Variants in NCOA2 observed in about 807,000 individuals in gnomAD.
NCOA2 encodes the protein class E basic helix-loop-helix protein 75.
In NCOA2, 21 loss-of-function variants were observed where a neutral mutation model predicts 145.1. That is an observed-to-expected ratio of 0.14 (90% CI 0.10 to 0.21). The LOEUF is 0.21. NCOA2 is among the 10% of genes least tolerant of loss of function. The pLI is 1.00. For missense variants in NCOA2, 1,472 were observed against 1,837.6 expected (o/e 0.80, Z 3.64); for synonymous variants, 619 against 637.5 (o/e 0.97, Z 0.44).
chr8:70,351,740 C>T (rs1289154961), intron 1 of NCOA2, among the ~76,000 whole-genome samples: 1 of 150,346 alleles, frequency 6.7e-6, no homozygotes, highest in Non-Finnish European at 1.5e-5. Flanking sequence ...CACACACCAC[C>T]ACCCCGGCTA....
chr8:70,292,408 C>T (rs1826765640), intron 2 of NCOA2, among the ~76,000 whole-genome samples: 5 of 151,882 alleles, frequency 3.3e-5, no homozygotes, highest in Admixed American at 3.3e-4. Flanking sequence ...CCTGGGAATC[C>T]CAAAGAGCTG....
intron 2 of NCOA2, among the ~76,000 whole-genome samples, chr8:70,271,232 T>C (rs1310537111): frequency 1.3e-5 from 2 of 152,204 alleles, no homozygotes. Flanking sequence ...GTATAGTAAA[T>C]GACAGATTTG....
the NCOA2 span, among the ~76,000 whole-genome samples, chr8:70,441,336 GGAAA>G: frequency 6.5e-5 from 8 of 123,348 alleles, no homozygotes; most frequent in Non-Finnish European, 1.0e-4. Flanking sequence ...GAAAGAAAGA[GGAAA>G]GAAAGAGAAA....
intron 20 of NCOA2, 51 bp downstream of exon 20, chr8:70,124,637 T>A (rs370103492): frequency 6.6e-6 from 10 of 1,508,966 alleles, no homozygotes; most frequent in Non-Finnish European, 8.0e-6. Context: ...GTGGGGGATG[T>A]CCTTCAGCTG....
At chr8:70,134,459 A>G (rs371533191) in intron 15 of NCOA2, among the ~76,000 whole-genome samples, 5 of 152,188 alleles carry the variant, frequency 3.3e-5, no homozygotes, top group African/African-American at 9.7e-5. Context: ...CTTTACCTAG[A>G]TTTTGTCATT....
chr8:70,203,409 T>A (rs914056665), intron 4 of NCOA2, among the ~76,000 whole-genome samples: 1 of 152,040 alleles, frequency 6.6e-6, no homozygotes, highest in Non-Finnish European at 1.5e-5. Flanking sequence ...AACAGATTTT[T>A]AAAATAGGAT....
chr8:70,222,126 A>T (rs1045106586), intron 2 of NCOA2, among the ~76,000 whole-genome samples: 1 of 152,228 alleles, frequency 6.6e-6, no homozygotes, highest in African/African-American at 2.4e-5. Context: ...TAATTCATAT[A>T]GTAACAACAG....
intron 4 of NCOA2, among the ~76,000 whole-genome samples, chr8:70,203,295 T>C (rs1468617728): frequency 6.8e-6 from 1 of 147,400 alleles, no homozygotes; most frequent in Non-Finnish European, 1.5e-5. Flanking sequence ...AGGAAATAGT[T>C]GCATGTGTAA....
At chr8:70,340,000 T>C (rs774713178) in intron 1 of NCOA2, among the ~76,000 whole-genome samples, 5 of 152,140 alleles carry the variant, frequency 3.3e-5, no homozygotes, top group African/African-American at 4.8e-5. Flanking sequence ...GAAGAATATC[T>C]AGGCAATACC....
At chr8:70,225,451 A>G (rs972552509) in intron 2 of NCOA2, among the ~76,000 whole-genome samples, 2 of 152,050 alleles carry the variant, frequency 1.3e-5, no homozygotes, top group Non-Finnish European at 2.9e-5. Context: ...CAGGAGGCTG[A>G]GGCAGGAGAA....
At chr8:70,240,680 A>G (rs890501541) in intron 2 of NCOA2, among the ~76,000 whole-genome samples, 1 of 152,210 alleles carries the variant, frequency 6.6e-6, no homozygotes, top group African/African-American at 2.4e-5. Context: ...CTGTGAGTGC[A>G]ATCTTAATGA....
At chr8:70,452,165 G>A in the NCOA2 span, among the ~76,000 whole-genome samples, 1 of 152,020 alleles carries the variant, frequency 6.6e-6, no homozygotes, top group Non-Finnish European at 1.5e-5. Context: ...TTGTAGACAT[G>A]GGGTTTCACC....
intron 6 of NCOA2, 126 bp downstream of exon 6, chr8:70,170,076 G>T: frequency 2.2e-6 from 2 of 916,492 alleles, no homozygotes. Context: ...AAACTACCCA[G>T]TCACTCTCCT....
chr8:70,321,793 C>CTTTTTTTTTTT lies in NCOA2; in HGVS notation c.-76-25004_-76-24994dup, dbSNP rs559680322. Among the ~76,000 whole-genome samples the CTTTTTTTTTTT allele has an allele frequency of 5.3e-3, 391 of 73,566 alleles. 59 individuals are homozygous for CTTTTTTTTTTT. The highest frequency in any genetic ancestry group is 0.022 in the African/African-American group (342 of 15,902). The allele number at this position is 73,566 out of a possible 152,430, so 48.3% of individuals were successfully genotyped here. A position where few individuals can be genotyped will look rare whatever the true frequency, so the allele number is the denominator to read the frequency against. On this transcript the variant is annotated intron_variant, in intron 1 of 22. Transcript: ENST00000452400. ...TGCTTTCCTAAGTTTCAGAATATAC[C>CTTTTTTTTTTT]TTTTTTTTTTTTTTTTTTTTTTTTT...
the NCOA2 span, among the ~76,000 whole-genome samples, chr8:70,454,999 A>G: frequency 1.3e-5 from 2 of 152,262 alleles, no homozygotes; most frequent in African/African-American, 2.4e-5. Context: ...CATTCGAGCA[A>G]TAATGGGCTT....
chr8:70,234,207 T>C (rs947848705), intron 2 of NCOA2, among the ~76,000 whole-genome samples: 4 of 152,248 alleles, frequency 2.6e-5, no homozygotes, highest in Non-Finnish European at 5.9e-5. Flanking sequence ...TTTCTTTTTA[T>C]GGCCAAATAT....
chr8:70,201,469 G>A (rs1473993354), intron 4 of NCOA2, among the ~76,000 whole-genome samples: 1 of 152,186 alleles, frequency 6.6e-6, no homozygotes, highest in African/African-American at 2.4e-5. Context: ...AAGCTGAGGT[G>A]AAGAACACTA....
chr8:70,177,985 T>C (rs1815056039), intron 4 of NCOA2, among the ~76,000 whole-genome samples: 1 of 152,214 alleles, frequency 6.6e-6, no homozygotes, highest in Non-Finnish European at 1.5e-5. Flanking sequence ...CTAGGCCTTT[T>C]AAAGACAATA....
intron 4 of NCOA2, among the ~76,000 whole-genome samples, chr8:70,202,729 T>C (rs1818020640): frequency 6.6e-6 from 1 of 152,196 alleles, no homozygotes; most frequent in African/African-American, 2.4e-5. Context: ...GTTTTACTCA[T>C]GCAAGATGAA....
Sources: allele counts gnomAD v4.1 joint callset (sites outside exome capture counted in the v4.1 genomes callset), GRCh38; gene constraint gnomAD v4.1.1; transcripts MANE v1.5; gene names NCBI Gene and HGNC (gene_info 2026-07-23, HGNC 2026-07-21).